Variants in TENM3 observed in about 807,000 individuals in gnomAD.
TENM3 encodes teneurin-3.
TENM3 carries 63 observed loss-of-function variants against 255.1 expected under a neutral mutation model. That is an observed-to-expected ratio of 0.25 (90% CI 0.20 to 0.30). TENM3 has a LOEUF of 0.30. TENM3 is among the 10% of genes least tolerant of loss of function. The pLI is 1.00. For synonymous variants in TENM3, 1,306 were observed against 1,322.3 expected (o/e 0.99, Z 0.27); for missense variants, 2,929 against 3,461.1 (o/e 0.85, Z 3.86).
At chr4:182,082,685 G>A in the TENM3 span, among the ~76,000 whole-genome samples, 1 of 152,302 alleles carries the variant, frequency 6.6e-6, no homozygotes, top group African/African-American at 2.4e-5. Context: ...CCTAAATGCT[G>A]ACAGTGATAA....
the TENM3 span, among the ~76,000 whole-genome samples, chr4:182,074,781 A>C: frequency 6.6e-6 from 1 of 152,222 alleles, no homozygotes; most frequent in African/African-American, 2.4e-5. Context: ...GATGTTCACA[A>C]GATCTATCAC....
At chr4:182,041,765 G>T in the TENM3 span, among the ~76,000 whole-genome samples, 8 of 152,160 alleles carry the variant, frequency 5.3e-5, no homozygotes, top group Non-Finnish European at 1.2e-4. Context: ...GAACCAAAAT[G>T]TCTCCAGTCT....
chr4:182,735,150 G>T (rs1471935409), intron 16 of TENM3, among the ~76,000 whole-genome samples: 1 of 151,978 alleles, frequency 6.6e-6, no homozygotes, highest in East Asian at 1.9e-4. Flanking sequence ...GGTTTCCCTG[G>T]GTCTAAAAAG....
At chr4:181,665,902 GTAAT>G in the TENM3 span, among the ~76,000 whole-genome samples, 2 of 151,918 alleles carry the variant, frequency 1.3e-5, no homozygotes, top group East Asian at 3.9e-4. Flanking sequence ...ATAAAATAAA[GTAAT>G]TAATATTTTA....
At chr4:181,803,197 G>T in the TENM3 span, among the ~76,000 whole-genome samples, 1 of 152,134 alleles carries the variant, frequency 6.6e-6, no homozygotes, top group African/African-American at 2.4e-5. Flanking sequence ...ATTGTCTACA[G>T]CCACAATCTC....
intron 12 of TENM3, among the ~76,000 whole-genome samples, chr4:182,704,114 A>G (rs1758093850): frequency 6.6e-6 from 1 of 151,774 alleles, no homozygotes. Context: ...TTTTTAATCT[A>G]GGAAATCCTA....
At chr4:182,502,257 C>T (rs2151657785) in intron 3 of TENM3, among the ~76,000 whole-genome samples, 1 of 152,264 alleles carries the variant, frequency 6.6e-6, no homozygotes, top group East Asian at 1.9e-4. Context: ...GGAGTTGTGG[C>T]CTTTCATGAG....
chr4:182,297,699 T>A (rs550525806), intron 1 of TENM3, among the ~76,000 whole-genome samples: 2 of 152,348 alleles, frequency 1.3e-5, no homozygotes, highest in East Asian at 3.9e-4. Flanking sequence ...GTCTTTTAGA[T>A]GACAAGTCTA....
chr4:182,660,847 A>G (rs1467526453), intron 6 of TENM3, among the ~76,000 whole-genome samples: 1 of 152,226 alleles, frequency 6.6e-6, no homozygotes, highest in East Asian at 1.9e-4. Context: ...AGAGCATGTG[A>G]ATTCTAGGCT....
At chr4:181,653,519 C>T in the TENM3 span, among the ~76,000 whole-genome samples, 24 of 152,180 alleles carry the variant, frequency 1.6e-4, no homozygotes, top group African/African-American at 5.5e-4. Context: ...AAGCGATTCT[C>T]CTGCCTCAGT....
chr4:182,754,379 A>G lies in TENM3; in HGVS notation c.4018-6A>G, dbSNP rs898199324. ...TACTAACCAGGCCATTTCTTTTTTT[A>G]TTAAGGTACGTCTGGAATGGCCCAC... is the stretch of plus-strand genomic sequence containing the variant. On this transcript the variant is annotated splice_polypyrimidine_tract_variant and splice_region_variant and intron_variant, in intron 21 of 27. Coordinates refer to ENST00000511685, the MANE Select transcript of TENM3 (RefSeq NM_001080477.4). This position sits in a 1 kb window ranked among gnomAD's most constrained non-coding sequence, Gnocchi z 5.1. 3.2e-6 allele frequency: 5 copies of G among 1,575,024 alleles called. No individual in the cohort carries two copies. The African/African-American group carries it at 4.1e-5, about 13-fold the overall frequency.
the TENM3 span, among the ~76,000 whole-genome samples, chr4:181,982,733 AG>A: frequency 6.6e-6 from 1 of 152,152 alleles, no homozygotes; most frequent in Non-Finnish European, 1.5e-5. Flanking sequence ...CACAGAAAGG[AG>A]GTCACATGCT....
At chr4:182,450,754 A>G (rs1257373630) in intron 3 of TENM3, among the ~76,000 whole-genome samples, 1 of 152,204 alleles carries the variant, frequency 6.6e-6, no homozygotes, top group Non-Finnish European at 1.5e-5. Flanking sequence ...ACAAAGAGGG[A>G]GTCACTTGAT....
intron 6 of TENM3, among the ~76,000 whole-genome samples, chr4:182,665,301 C>G (rs987151643): frequency 3.3e-5 from 5 of 152,152 alleles, no homozygotes; most frequent in Admixed American, 6.5e-5. Context: ...AACGTGGCTA[C>G]TAAATATTTT....
the TENM3 span, among the ~76,000 whole-genome samples, chr4:182,014,652 C>A: frequency 6.6e-6 from 1 of 151,874 alleles, no homozygotes. Flanking sequence ...AAGGCACAGG[C>A]GAGCTGATCC....
At chr4:182,310,378 C>A (rs1444735912) in intron 1 of TENM3, among the ~76,000 whole-genome samples, 1 of 151,958 alleles carries the variant, frequency 6.6e-6, no homozygotes, top group East Asian at 2.0e-4. Context: ...TCATTTATTT[C>A]TGTCAGTCAC....
the TENM3 span, among the ~76,000 whole-genome samples, chr4:181,872,339 A>AAC: frequency 0.2 from 31,013 of 151,502 alleles, 3,574 homozygotes; most frequent in East Asian, 0.56. Context: ...TTTTATTTTA[A>AAC]GTTCAGGGGT....
At chr4:182,233,830 A>G (rs1756727406) in intron 1 of TENM3, among the ~76,000 whole-genome samples, 1 of 152,266 alleles carries the variant, frequency 6.6e-6, no homozygotes, top group Non-Finnish European at 1.5e-5. Context: ...AGGAAACTGC[A>G]GATATGCAAC....
At chr4:182,251,023 T>C (rs1757977169) in intron 1 of TENM3, among the ~76,000 whole-genome samples, 1 of 152,226 alleles carries the variant, frequency 6.6e-6, no homozygotes, top group Non-Finnish European at 1.5e-5. Flanking sequence ...GACAAGAGCC[T>C]TTCCCACCAA....
Sources: gnomAD v4.1 joint callset for allele counts (sites outside exome capture counted in the v4.1 genomes callset) on GRCh38, gnomAD v4.1.1 for gene constraint, Gnocchi (gnomAD v3.1) non-coding constraint, MANE v1.5 for transcripts, NCBI Gene and HGNC (gene_info 2026-07-23, HGNC 2026-07-21) for gene names.